IRAK3: variants seen among roughly 807,000 people sequenced by gnomAD.
IRAK3 encodes interleukin-1 receptor-associated kinase 3.
A neutral mutation model predicts 56.6 loss-of-function variants in IRAK3; 57 were observed. The observed-to-expected ratio is 1.01, with a 90% CI of 0.81 to 1.26. The LOEUF is 1.26. Among genes scored for constraint, IRAK3 ranks in the 50% most tolerant of loss-of-function variants. The pLI is 0.00. For synonymous variants in IRAK3, 258 were observed against 255.7 expected, an observed-to-expected ratio of 1.01 and a Z score of -0.09; for missense variants, 703 against 719.0, an observed-to-expected ratio of 0.98 and a Z score of 0.25.
At position 66,203,591 on chromosome 12, in the gene IRAK3, TATAA is replaced by T; in HGVS notation, c.134-115_134-112del. On this transcript the variant is annotated intron_variant, in intron 1 of 11. Coordinates refer to ENST00000261233, the MANE Select transcript of IRAK3 (RefSeq NM_007199.3). ...TTCCAAATTAGTTCAAAATAAAAGT[TATAA>T]ATAAGAGGAAAGTTAAAGTTATAAA... 9.6e-6 allele frequency: 9 copies of T among 934,198 alleles called. 1 individual carries two copies. The South Asian group carries it at 1.3e-4, about 14-fold the overall frequency. 57.9% of individuals were successfully genotyped at this position (934,198 alleles called of 1,614,324 possible). A position where few individuals can be genotyped will look rare whatever the true frequency, so the allele number is the denominator to read the frequency against.
intron 6 of IRAK3, among the ~76,000 whole-genome samples, chr12:66,226,306 A>G (rs887169091): frequency 6.7e-6 from 1 of 149,838 alleles, no homozygotes; most frequent in African/African-American, 2.5e-5. Flanking sequence ...TAGTGGTGTG[A>G]TCTTGGCTCA....
intron 1 of IRAK3, among the ~76,000 whole-genome samples, chr12:66,196,199 T>G (rs1217624338): frequency 2.0e-5 from 3 of 152,154 alleles, no homozygotes; most frequent in Non-Finnish European, 4.4e-5. Flanking sequence ...GCTGACTCTC[T>G]TAGCATCGAA....
At chr12:66,234,434 G>A (rs773397184) in intron 8 of IRAK3, 73 of 1,611,374 alleles carry the variant, frequency 4.5e-5, no homozygotes, top group Non-Finnish European at 5.8e-5. Context: ...GGGTGTAATA[G>A]AAGTTTGAGT....
chr12:66,216,231 C>T (rs1201707908), intron 5 of IRAK3, among the ~76,000 whole-genome samples: 2 of 152,116 alleles, frequency 1.3e-5, no homozygotes, highest in Non-Finnish European at 2.9e-5. Context: ...TCACAAATAG[C>T]GAGTGTTAGA....
At chr12:66,234,067 T>C in intron 8 of IRAK3, 1 of 1,613,928 alleles carries the variant, frequency 6.2e-7, no homozygotes, top group Non-Finnish European at 8.5e-7. Context: ...TCTGTACATC[T>C]CACAGTTACT....
Position 66,215,802 on chromosome 12 carries a change from A to G in IRAK3, c.589-1369A>G, listed in dbSNP as rs1314947821. ...ACCCAACATGCACACACACACACAC[A>G]CACACACACACACACACACACACAC... is the stretch of plus-strand genomic sequence containing the variant. On this transcript the variant is annotated intron_variant, in intron 5 of 11. Coordinates refer to ENST00000261233, the MANE Select transcript of IRAK3 (RefSeq NM_007199.3). Among the ~76,000 whole-genome samples the G allele has an allele frequency of 8.1e-3, 501 of 61,562 alleles. 9 individuals carry two copies. The highest frequency in any genetic ancestry group is 0.028 in the African/African-American group (469 of 16,788). The allele number at this position is 61,562 out of a possible 152,430, so 40.4% of individuals were successfully genotyped here.
chr12:66,205,888 T>G (rs928939460), intron 2 of IRAK3, among the ~76,000 whole-genome samples: 2 of 152,212 alleles, frequency 1.3e-5, no homozygotes, highest in African/African-American at 4.8e-5. Flanking sequence ...AGGTGGTTTC[T>G]TCACATCAGT....
chr12:66,189,461 G>A (rs1228770765), intron 1 of IRAK3, 29 bp downstream of exon 1: 9 of 1,181,354 alleles, frequency 7.6e-6, no homozygotes, highest in African/African-American at 1.6e-5. Context: ...GCCGGGGGCG[G>A]CGGGGGAGCC....
chr12:66,225,659 T>C (rs1258644900), intron 6 of IRAK3, among the ~76,000 whole-genome samples: 2 of 152,178 alleles, frequency 1.3e-5, no homozygotes, highest in African/African-American at 2.4e-5. Flanking sequence ...ACATTTTATA[T>C]TTCATAGTTG....
Position 66,217,194 on chromosome 12 carries a change from G to A in IRAK3, c.612G>A (p.Lys204=). The A allele has an allele frequency of 6.2e-7, 1 of 1,610,952 alleles. No homozygotes were observed. Among genetic ancestry groups the A allele is most frequent in the Non-Finnish European group, 8.5e-7 (1 of 1,177,210 alleles). The change falls in exon 6 of 12, where the codon AAG becomes AAA. Residue 204 remains lysine (K), a synonymous_variant. Coordinates refer to ENST00000261233, the MANE Select transcript of IRAK3 (RefSeq NM_007199.3). The part of the protein sequence containing the change: ...FKQEKKMQCK[K]HWKRFLSELE... ...AGGAGAAAAAAATGCAGTGTAAGAAGCATTGGAAGAGGTTTTTATCTGAGC... is the reference window on the plus strand; with the variant it reads ...AGGAGAAAAAAATGCAGTGTAAGAAACATTGGAAGAGGTTTTTATCTGAGC...
chr12:66,196,968 C>G lies in IRAK3; in HGVS notation c.134-6743C>G, dbSNP rs947027038. The G allele has an allele frequency of 3.3e-6, 5 of 1,534,536 alleles. No homozygotes were observed. The African/African-American group carries it at 6.9e-5, about 21-fold the overall frequency. On this transcript the variant is annotated intron_variant, in intron 1 of 11. Transcript: ENST00000261233. ...TATGCAAATACAAAGATTCCAAATA[C>G]GGATGTGTTGCATTATTTGAAAAAA...
chr12:66,245,404 TC>T, intron 11 of IRAK3, 142 bp downstream of exon 11: 1 of 900,098 alleles, frequency 1.1e-6, no homozygotes, highest in Non-Finnish European at 1.7e-6. Flanking sequence ...TAATAGTGTT[TC>T]CAGGTCAAAA....
Position 66,203,808 on chromosome 12 carries a change from A to G in IRAK3, c.231A>G (p.Ala77=). The G allele has an allele frequency of 6.2e-7, 1 of 1,614,030 alleles. No individual in the cohort carries two copies. The highest frequency in any genetic ancestry group is 1.1e-5 in the South Asian group (1 of 91,066). Residue 77 remains alanine (A), a synonymous_variant, in exon 2 of 12, where the codon GCA becomes GCG. Transcript: ENST00000261233. ...CAAGAGAATTACTTTGGTCCTGGGC[A>G]CAGAAAAACAAGACCATCGGTGACC... ...SGTRELLWSW[A]QKNKTIGDLL...
chr12:66,233,658 G>T (rs184423553), intron 8 of IRAK3, among the ~76,000 whole-genome samples: 1 of 150,606 alleles, frequency 6.6e-6, no homozygotes, highest in East Asian at 1.9e-4. Context: ...TCATACAGCT[G>T]GAAAAAAAAA....
At chr12:66,239,589 A>C (rs1344432315) in intron 8 of IRAK3, among the ~76,000 whole-genome samples, 1 of 152,216 alleles carries the variant, frequency 6.6e-6, no homozygotes, top group Non-Finnish European at 1.5e-5. Context: ...AAGATTCTTT[A>C]ATCAGTCTCC....
At chr12:66,238,819 C>G (rs1420717896) in intron 8 of IRAK3, among the ~76,000 whole-genome samples, 1 of 152,144 alleles carries the variant, frequency 6.6e-6, no homozygotes, top group Non-Finnish European at 1.5e-5. Context: ...AATTTGAACT[C>G]TTCAAAGAGA....
At chr12:66,194,973 A>G (rs906467285) in intron 1 of IRAK3, among the ~76,000 whole-genome samples, 51 of 152,210 alleles carry the variant, frequency 3.4e-4, no homozygotes, top group South Asian at 3.3e-3. Context: ...CAATCTATAT[A>G]CTACTCCCAA....
At chr12:66,229,722 C>T (rs1051726610) in intron 8 of IRAK3, among the ~76,000 whole-genome samples, 1 of 152,068 alleles carries the variant, frequency 6.6e-6, no homozygotes, top group Non-Finnish European at 1.5e-5. Flanking sequence ...TGGAGTTATC[C>T]GTTGGAATTG....
Position 66,211,432 on chromosome 12 carries a change from C to T in IRAK3, c.437-14C>T. 6.4e-7 allele frequency: 1 copy of T among 1,571,228 alleles called. No homozygotes were observed. The highest frequency in any genetic ancestry group is 8.8e-7 in the Non-Finnish European group (1 of 1,141,222). On this transcript the variant is annotated splice_polypyrimidine_tract_variant and intron_variant, in intron 4 of 11. Coordinates refer to ENST00000261233, the MANE Select transcript of IRAK3 (RefSeq NM_007199.3). ...TCTTAGCTAACTTATCTTCCCCCTA[C>T]TTTCCTTCCTAAGGAATACTGCTTA...
Sources: gnomAD v4.1 joint callset for allele counts (sites outside exome capture counted in the v4.1 genomes callset) on GRCh38, gnomAD v4.1.1 for gene constraint, MANE v1.5 for transcripts, NCBI Gene and HGNC (gene_info 2026-07-23, HGNC 2026-07-21) for gene names.